NHS: variants seen among roughly 807,000 people sequenced by gnomAD.
The protein encoded by NHS is NHS actin remodeling regulator.
Under a neutral mutation model 72.5 loss-of-function variants are expected in NHS, and 5 were observed. The observed-to-expected ratio is 0.07, with a 90% CI of 0.04 to 0.14. The LOEUF (loss-of-function observed/expected upper bound fraction) is 0.14. NHS is among the 10% of genes least tolerant of loss of function. The pLI is 1.00. For synonymous variants in NHS, 464 were observed against 547.7 expected, an observed-to-expected ratio of 0.85 and a Z score of 2.13; for missense variants, 1,072 against 1,355.7, an observed-to-expected ratio of 0.79 and a Z score of 3.29.
chrX:17,542,295 T>A (rs765793024), intron 1 of NHS, among the ~76,000 whole-genome samples: 3 of 113,002 alleles, frequency 2.7e-5, no homozygotes, highest in East Asian at 5.7e-4. Flanking sequence ...AGAGGAGCAG[T>A]TTTTACATTT....
At chrX:17,431,730 A>T (rs2064695403) in intron 1 of NHS, among the ~76,000 whole-genome samples, 1 of 111,741 alleles carries the variant, frequency 8.9e-6, no homozygotes, top group African/African-American at 3.3e-5. Context: ...CCATATGAGA[A>T]CACTTTCCCA....
intron 1 of NHS, among the ~76,000 whole-genome samples, chrX:17,516,973 T>C (rs2065125167): frequency 8.9e-6 from 1 of 112,458 alleles, no homozygotes; most frequent in African/African-American, 3.2e-5. Flanking sequence ...CTTTAAAGCC[T>C]AGAAGAGCAA....
At chrX:17,381,123 C>A (rs1601681041) in intron 1 of NHS, among the ~76,000 whole-genome samples, 2 of 111,198 alleles carry the variant, frequency 1.8e-5, no homozygotes, top group African/African-American at 6.5e-5. Context: ...TGAGAGCCTT[C>A]TGAGACTGAT....
intron 1 of NHS, among the ~76,000 whole-genome samples, chrX:17,379,827 T>C (rs1194864032): frequency 8.9e-6 from 1 of 111,782 alleles, no homozygotes; most frequent in Non-Finnish European, 1.9e-5. Context: ...TTTGTAGAAA[T>C]GGGGAAGGCT....
At chrX:17,625,709 T>C (rs1039023072) in intron 1 of NHS, among the ~76,000 whole-genome samples, 2 of 112,274 alleles carry the variant, frequency 1.8e-5, no homozygotes, top group African/African-American at 6.5e-5. Flanking sequence ...CAAGAGAAAT[T>C]GGTGAAATTA....
chrX:17,697,980 A>G (rs1402921218), intron 3 of NHS, among the ~76,000 whole-genome samples: 1 of 111,460 alleles, frequency 9.0e-6, no homozygotes, highest in Non-Finnish European at 1.9e-5. Flanking sequence ...TGTTTTATAT[A>G]AACAGAGAAG....
chrX:17,382,083 A>G (rs2064380676), intron 1 of NHS, among the ~76,000 whole-genome samples: 1 of 111,951 alleles, frequency 8.9e-6, no homozygotes, highest in African/African-American at 3.2e-5. Flanking sequence ...CTTGTTCAAG[A>G]TGTTTGCTCA....
rs1181901666 is a variant in NHS at position 17,375,886 on chromosome X, G to C, written c.129G>C (p.Arg43=). 1.8e-6 allele frequency: 2 copies of C among 1,107,380 alleles called. No individual in the cohort carries two copies. Among genetic ancestry groups the C allele is most frequent in the Non-Finnish European group, 2.3e-6 (2 of 852,854 alleles). 91.3% of individuals were successfully genotyped at this position (1,107,380 alleles called of 1,213,427 possible). A position where few individuals can be genotyped will look rare whatever the true frequency, so the allele number is the denominator to read the frequency against. Reference sequence around the variant, plus strand: ...CGCCGCCCTTGCAGCCGCCGGGCCGGAGGGACCTGGACGAGGTCGAGGCGC... The same window carrying C: ...CGCCGCCCTTGCAGCCGCCGGGCCGCAGGGACCTGGACGAGGTCGAGGCGC... The part of the protein sequence containing the change: ...EPPPPLQPPG[R]RDLDEVEAPG... Residue 43 remains arginine (R), a synonymous_variant, in exon 1 of 9, where the codon CGG becomes CGC. Coordinates refer to ENST00000676302, the MANE Select transcript of NHS (RefSeq NM_001291867.2).
In NHS at chrX:17,522,560, A is replaced by T. The variant is rs1048477868; in HGVS notation, c.565+146238A>T. ...CAGGGCCGTCTGTGGTCCAGGTTTC[A>T]GGAGCTGCAGCCGCCTGGGTGTGGC... is the stretch of plus-strand genomic sequence containing the variant. On this transcript the variant is annotated intron_variant, in intron 1 of 8. Transcript: ENST00000676302. 1.1e-4 allele frequency among the ~76,000 whole-genome samples: 10 copies of T among 88,873 alleles called. No individual in the cohort carries two copies. The East Asian group carries it at 4.1e-3, about 36-fold the overall frequency. 77.2% of individuals were successfully genotyped at this position (88,873 alleles called of 115,157 possible). A position where few individuals can be genotyped will look rare whatever the true frequency, so the allele number is the denominator to read the frequency against.
In NHS at chrX:17,726,763, G is replaced by C; in HGVS notation, c.2657G>C (p.Arg886Thr). Residue 886 changes from arginine to threonine, a missense_variant, in exon 7 of 9, where the codon AGG (arginine) becomes ACG (threonine). By Grantham distance (71) the Arg-to-Thr change is moderately conservative. Transcript: ENST00000676302. The stretch of plus-strand genomic sequence containing the variant: ...GGTCAGCACCTGCCTCACAGTTCCA[G>C]GGAAATGAAGCTGCCTCTTGATTTC... ...SSGQHLPHSSREMKLPLDFAN... is the reference protein window; with the variant it reads ...SSGQHLPHSSTEMKLPLDFAN... 2.5e-6 allele frequency: 3 copies of C among 1,212,007 alleles called. No individual in the cohort carries two copies. Among genetic ancestry groups the C allele is most frequent in the Non-Finnish European group, 3.3e-6 (3 of 895,560 alleles).
intron 1 of NHS, among the ~76,000 whole-genome samples, chrX:17,674,392 T>TC (rs2066067446): frequency 8.9e-6 from 1 of 112,589 alleles, no homozygotes; most frequent in Non-Finnish European, 1.9e-5. Context: ...TTTTGGCTCT[T>TC]CATTTGCTTA....
intron 1 of NHS, among the ~76,000 whole-genome samples, chrX:17,526,740 G>C (rs1468477062): frequency 8.9e-6 from 1 of 112,005 alleles, no homozygotes; most frequent in African/African-American, 3.3e-5. Context: ...GAGGAAAAGA[G>C]ATACAGATCA....
At chrX:17,612,663 C>T (rs1322937796) in intron 1 of NHS, among the ~76,000 whole-genome samples, 1 of 111,983 alleles carries the variant, frequency 8.9e-6, no homozygotes, top group Admixed American at 9.5e-5. Flanking sequence ...TACTTTTGCC[C>T]TGATTGCTGC....
intron 3 of NHS, among the ~76,000 whole-genome samples, chrX:17,697,162 C>G: frequency 9.0e-6 from 1 of 111,207 alleles, no homozygotes; most frequent in Non-Finnish European, 1.9e-5. Context: ...GAAGGGAAAT[C>G]TGCCCTTCAG....
Position 17,726,335 on chromosome X carries a change from C to T in NHS, c.2229C>T (p.Pro743=). The change falls in exon 7 of 9, where the codon CCC becomes CCT. Residue 743 remains proline, a synonymous_variant. Transcript: ENST00000676302. ...GCCAGGATTTTAGTCCTGAGCGTCC[C>T]AAGGCAGACAGCCTGGGCTGCCCAA... ...SCRQDFSPER[P]KADSLGCPSF... is the part of the protein sequence containing the mutation. 1.7e-6 allele frequency: 2 copies of T among 1,212,094 alleles called. No individual in the cohort carries two copies. The highest frequency in any genetic ancestry group is 3.5e-5 in the South Asian group (2 of 57,026).
chrX:17,501,836 T>G (rs1202487025), intron 1 of NHS, among the ~76,000 whole-genome samples: 1 of 112,164 alleles, frequency 8.9e-6, no homozygotes, highest in Non-Finnish European at 1.9e-5. Flanking sequence ...AAACCAAGTA[T>G]ATAGATTTGG....
chrX:17,514,814 C>T (rs1421207774), intron 1 of NHS, among the ~76,000 whole-genome samples: 1 of 111,793 alleles, frequency 8.9e-6, no homozygotes, highest in East Asian at 2.8e-4. Context: ...GTCTGCTGCA[C>T]TTATAGGGCT....
chrX:17,715,645 A>G (rs1458697491), intron 3 of NHS, among the ~76,000 whole-genome samples: 3 of 111,532 alleles, frequency 2.7e-5, no homozygotes, highest in Non-Finnish European at 3.8e-5. Context: ...GGTTTGTTAT[A>G]TGGGTAAACT....
chrX:17,731,824 G>A (rs1206358181), intron 8 of NHS, 34 bp from the exon 9 acceptor site: 1 of 1,167,079 alleles, frequency 8.6e-7, no homozygotes, highest in Non-Finnish European at 1.1e-6. Context: ...TGAACTGAGT[G>A]AGATGTTTGC....
Sources: gnomAD v4.1 joint callset for allele counts (sites outside exome capture counted in the v4.1 genomes callset) on GRCh38, gnomAD v4.1.1 for gene constraint, MANE v1.5 for transcripts, NCBI Gene and HGNC (gene_info 2026-07-23, HGNC 2026-07-21) for gene names.